PRICKLE2: variants seen among roughly 807,000 people sequenced by gnomAD.
The protein encoded by PRICKLE2 is prickle-like protein 2.
PRICKLE2 carries 21 observed loss-of-function variants against 81.4 expected under a neutral mutation model. The observed-to-expected ratio is 0.26, with a 90% CI of 0.18 to 0.37. The LOEUF (loss-of-function observed/expected upper bound fraction) is 0.37. Ranked by LOEUF, PRICKLE2 falls within the 10% of genes least tolerant of loss-of-function variation. PRICKLE2 has a pLI of 1.00. For synonymous variants in PRICKLE2, 456 were observed against 421.5 expected, an observed-to-expected ratio of 1.08 and a Z score of -1.00; for missense variants, 940 against 1,109.0, an observed-to-expected ratio of 0.85 and a Z score of 2.16.
chr3:64,154,213 T>A (rs1157494843), intron 5 of PRICKLE2: 2 of 152,084 alleles, frequency 1.3e-5, no homozygotes, highest in Non-Finnish European at 2.9e-5. Context: ...TGTAAAATAA[T>A]GAATTCAAAC....
chr3:64,264,544 A>C (rs1053650362), intron 2 of PRICKLE2, among the ~76,000 whole-genome samples: 1 of 152,208 alleles, frequency 6.6e-6, no homozygotes, highest in Non-Finnish European at 1.5e-5. Flanking sequence ...TAATATGGCA[A>C]GATGAGACCT....
chr3:64,253,444 T>C (rs570341401), intron 2 of PRICKLE2, among the ~76,000 whole-genome samples: 16 of 152,278 alleles, frequency 1.1e-4, no homozygotes, highest in East Asian at 9.7e-4. Context: ...AGTTACTCTC[T>C]CATGAACCCT....
rs2076538976 is a variant in PRICKLE2, at chr3:64,094,250, A to G, written c.*4801T>C. 1 of 152,228 alleles carries G rather than the reference A, an allele frequency of 6.6e-6. No individual in the cohort carries two copies. The highest frequency in any genetic ancestry group is 1.5e-5 in the Non-Finnish European group (1 of 68,034). The allele number at this position is 152,228 out of a possible 1,614,324, so 9.4% of individuals were successfully genotyped here. The stretch of plus-strand genomic sequence containing the variant: ...TCCTTACAATGTTAAGTCAGGGTCT[A>G]TGACAGAATCATGACACTTTATGGA... On this transcript the variant is annotated 3_prime_UTR_variant, in exon 8 of 8. Coordinates refer to ENST00000638394, the MANE Select transcript of PRICKLE2 (RefSeq NM_198859.4).
intron 2 of PRICKLE2, among the ~76,000 whole-genome samples, chr3:64,253,397 G>T (rs1575717866): frequency 6.6e-6 from 1 of 152,204 alleles, no homozygotes; most frequent in Non-Finnish European, 1.5e-5. Flanking sequence ...CAGCTGTTCA[G>T]ACACCTACCT....
intron 5 of PRICKLE2, among the ~76,000 whole-genome samples, chr3:64,156,700 T>C (rs988620057): frequency 6.6e-6 from 1 of 152,190 alleles, no homozygotes; most frequent in African/African-American, 2.4e-5. Context: ...TTATAAACTG[T>C]AGAAAAATCA....
intron 7 of PRICKLE2, among the ~76,000 whole-genome samples, chr3:64,111,994 C>T (rs1400248585): frequency 2.0e-5 from 3 of 152,140 alleles, no homozygotes; most frequent in African/African-American, 7.2e-5. Context: ...ACTCACAATC[C>T]CCTATCCCAA....
chr3:64,140,882 C>T (rs558144219), intron 7 of PRICKLE2, among the ~76,000 whole-genome samples: 1 of 152,282 alleles, frequency 6.6e-6, no homozygotes, highest in East Asian at 1.9e-4. Flanking sequence ...AAATGCCTAT[C>T]CCTTCAGCTA....
At chr3:64,150,539 CCTT>C (rs1360353982) in intron 6 of PRICKLE2, among the ~76,000 whole-genome samples, 1 of 152,134 alleles carries the variant, frequency 6.6e-6, no homozygotes, top group African/African-American at 2.4e-5. Context: ...CTCCCACCCT[CCTT>C]CTTCCTCCTC....
At chr3:64,181,153 G>A (rs549628820) in intron 2 of PRICKLE2, among the ~76,000 whole-genome samples, 48 of 152,220 alleles carry the variant, frequency 3.2e-4, no homozygotes, top group Non-Finnish European at 8.8e-5. Context: ...TTAGTCTCAG[G>A]CCATTCACTT....
chr3:64,143,711 G>C (rs1206731911), intron 7 of PRICKLE2, among the ~76,000 whole-genome samples: 2 of 152,204 alleles, frequency 1.3e-5, no homozygotes, highest in Non-Finnish European at 2.9e-5. Flanking sequence ...GGGTTAGGGG[G>C]AGGCCCAGGA....
chr3:64,159,850 G>C (rs918964636), intron 4 of PRICKLE2, 90 bp downstream of exon 4: 3 of 1,525,526 alleles, frequency 2.0e-6, no homozygotes, highest in Non-Finnish European at 2.7e-6. Context: ...CAGGCACATA[G>C]TAGGCACTCA....
At position 64,225,016 on chromosome 3, in the gene PRICKLE2, G is replaced by A. The variant is rs557751476; in HGVS notation, c.-147C>T. The stretch of plus-strand genomic sequence containing the variant: ...CTCCCTGGATCTGACTTCTAAGAAC[G>A]CAAGCAGGACCTCAGGCAGCCAAAG... On this transcript the variant is annotated 5_prime_UTR_variant, in exon 1 of 8. Coordinates refer to ENST00000638394, the MANE Select transcript of PRICKLE2 (RefSeq NM_198859.4). 3.5e-5 allele frequency: 34 copies of A among 985,354 alleles called. No homozygotes were observed. Among genetic ancestry groups the A allele is most frequent in the South Asian group, 4.7e-5 (1 of 21,280 alleles). The allele number at this position is 985,354 out of a possible 1,614,324, so 61.0% of individuals were successfully genotyped here. A position where few individuals can be genotyped will look rare whatever the true frequency, so the allele number is the denominator to read the frequency against.
At chr3:64,187,607 T>C (rs1255393565) in intron 2 of PRICKLE2, 1 of 152,232 alleles carries the variant, frequency 6.6e-6, no homozygotes, top group Non-Finnish European at 1.5e-5. Flanking sequence ...AAATGGCTGG[T>C]GAGTCTAATG....
At chr3:64,198,628 T>C (rs976786836) in intron 2 of PRICKLE2, 156 bp downstream of exon 2, 15 of 757,924 alleles carry the variant, frequency 2.0e-5, no homozygotes, top group Admixed American at 1.6e-4. Context: ...CCCTTCCTCA[T>C]TTTCCACTGG....
chr3:64,145,303 T>C (rs2077429662), intron 7 of PRICKLE2: 1 of 146,046 alleles, frequency 6.8e-6, no homozygotes, highest in African/African-American at 2.5e-5. Flanking sequence ...GTATATATTA[T>C]ATCATATATA....
At chr3:64,100,226 G>C (rs1057471666) in intron 7 of PRICKLE2, 1 of 410,322 alleles carries the variant, frequency 2.4e-6, no homozygotes, top group African/African-American at 2.0e-5. Flanking sequence ...TATGTATGAT[G>C]CTTCCTCTAT....
chr3:64,257,863 A>C (rs942937712), intron 2 of PRICKLE2, among the ~76,000 whole-genome samples: 1 of 152,106 alleles, frequency 6.6e-6, no homozygotes, highest in Admixed American at 6.5e-5. Flanking sequence ...GGCTTTTGGG[A>C]GGTGATTAGG....
In PRICKLE2 at chr3:64,158,278, T is replaced by C. The variant is rs141509619; in HGVS notation, c.397-913A>G. Reference sequence around the variant, plus strand: ...CTACCACCAAATCTTTCCCATGCTATGCGTTGAAATGTATCTTAGAAAATG... The same window carrying C: ...CTACCACCAAATCTTTCCCATGCTACGCGTTGAAATGTATCTTAGAAAATG... On this transcript the variant is annotated intron_variant, in intron 4 of 7. Transcript: ENST00000638394. Among the ~76,000 whole-genome samples, 447 of 152,340 alleles carry C rather than the reference T, an allele frequency of 2.9e-3. 1 individual carries two copies. Among genetic ancestry groups the C allele is most frequent in the Admixed American group, 6.6e-3 (101 of 15,304 alleles).
At chr3:64,121,237 C>T (rs2077022106) in intron 7 of PRICKLE2, among the ~76,000 whole-genome samples, 1 of 152,182 alleles carries the variant, frequency 6.6e-6, no homozygotes, top group African/African-American at 2.4e-5. Flanking sequence ...AAACTATCCT[C>T]TCTGGATTAT....
Sources: allele counts gnomAD v4.1 joint callset (sites outside exome capture counted in the v4.1 genomes callset), GRCh38; gene constraint gnomAD v4.1.1; transcripts MANE v1.5; gene names NCBI Gene and HGNC (gene_info 2026-07-23, HGNC 2026-07-21).